The following FTCDNL1 variants were observed in gnomAD, a reference collection of about 807,000 sequenced individuals.
FTCDNL1 encodes the protein formiminotransferase N-terminal subdomain-containing protein.
A neutral mutation model predicts 5.9 loss-of-function variants in FTCDNL1; 11 were observed. That is an observed-to-expected ratio of 1.87 (90% CI 1.18 to 3.10). The LOEUF is 3.10. Among genes scored for constraint, FTCDNL1 ranks in the 30% most tolerant of loss-of-function variants. The pLI, the probability that FTCDNL1 is intolerant of heterozygous loss-of-function variation, is 0.00. For missense variants in FTCDNL1, 115 were observed against 65.5 expected, an observed-to-expected ratio of 1.76 and a Z score of -2.61; for synonymous variants, 58 against 24.8, an observed-to-expected ratio of 2.34 and a Z score of -3.99.
In FTCDNL1 at chr2:199,846,123, C is replaced by T. The variant is rs1402050768; in HGVS notation, c.163G>A (p.Asp55Asn). 1.4e-6 allele frequency: 1 copy of T among 699,994 alleles called. No homozygotes were observed. The highest frequency in any genetic ancestry group is 2.7e-5 in the East Asian group (1 of 37,182). The allele number at this position is 699,994 out of a possible 1,614,324, so 43.4% of individuals were successfully genotyped here. ...ATTGTAATGACTGATCTCTTGTAGT[C>T]TTGATCGGAAAATATATTGAGCACT... is the stretch of plus-strand genomic sequence containing the variant. ...VSVLNIFSDQ[D>N]YKRSVITIAT... is the part of the protein sequence containing the mutation. The change falls in exon 3 of 5, where the codon GAC (aspartate) becomes AAC (asparagine). Residue 55 changes from aspartate to asparagine, a missense_variant. Coordinates refer to ENST00000420128, the MANE Select transcript of FTCDNL1 (RefSeq NM_001363886.2).
At chr2:199,732,090 T>C in the FTCDNL1 span, among the ~76,000 whole-genome samples, 1 of 152,256 alleles carries the variant, frequency 6.6e-6, no homozygotes, top group African/African-American at 2.4e-5. Flanking sequence ...CTCCTGCTTC[T>C]GTCTCTGTAG....
the FTCDNL1 span, among the ~76,000 whole-genome samples, chr2:199,719,061 G>A: frequency 6.6e-6 from 1 of 151,912 alleles, no homozygotes; most frequent in East Asian, 1.9e-4. Context: ...AGTCCCATTT[G>A]TCTATTTTTG....
chr2:199,717,968 T>TA, the FTCDNL1 span, among the ~76,000 whole-genome samples: 18,131 of 109,874 alleles, frequency 0.17, 2,300 homozygotes, highest in East Asian at 0.35. Context: ...ATTCACTGCT[T>TA]AAAAAAAACC....
downstream of FTCDNL1, among the ~76,000 whole-genome samples, chr2:199,805,063 C>T (rs1434913509): frequency 6.6e-6 from 1 of 152,090 alleles, no homozygotes; most frequent in Non-Finnish European, 1.5e-5. Flanking sequence ...ACAAGGCAAG[C>T]TCTGACAAGT....
At chr2:199,844,495 C>A in intron 3 of FTCDNL1, 1 of 663,238 alleles carries the variant, frequency 1.5e-6, no homozygotes. Context: ...TATCGATAGC[C>A]TGGAAGGCCT....
rs1700933713 is a variant in FTCDNL1 at position 199,809,858 on chromosome 2, ATATTTTG to A, written c.*2840_*2846del. On this transcript the variant is annotated 3_prime_UTR_variant, in exon 5 of 5. Transcript: ENST00000420128. ...ACAATCATGCTTTGAAAGAGAGATT[ATATTTTG>A]TAACCCTCTCATTTTTTAGTCACTT... Among the ~76,000 whole-genome samples, 1 of 151,322 alleles carries A rather than the reference ATATTTTG, an allele frequency of 6.6e-6. No individual in the cohort carries two copies. Among genetic ancestry groups the A allele is most frequent in the Admixed American group, 6.6e-5 (1 of 15,180 alleles).
At chr2:199,828,901 G>A (rs1702193254) in intron 3 of FTCDNL1, among the ~76,000 whole-genome samples, 1 of 152,190 alleles carries the variant, frequency 6.6e-6, no homozygotes, top group African/African-American at 2.4e-5. Flanking sequence ...CGAGAAGAGA[G>A]TTCAACACCA....
chr2:199,778,622 T>C (rs1439130976), intron 3 of FTCDNL1, among the ~76,000 whole-genome samples: 1 of 152,212 alleles, frequency 6.6e-6, no homozygotes, highest in Non-Finnish European at 1.5e-5. Flanking sequence ...GCAAAGCAAG[T>C]TTAGAATGTA....
the FTCDNL1 span, among the ~76,000 whole-genome samples, chr2:199,742,846 A>G: frequency 1.1e-4 from 17 of 152,366 alleles, no homozygotes; most frequent in Non-Finnish European, 2.2e-4. Flanking sequence ...CAATTCACAA[A>G]GGAGGAGGAA....
chr2:199,776,976 G>A (rs1308109007), intron 3 of FTCDNL1, among the ~76,000 whole-genome samples: 56 of 150,348 alleles, frequency 3.7e-4, no homozygotes, highest in Middle Eastern at 3.4e-3. Flanking sequence ...GTGTGTGTGT[G>A]TGTGTGTGTG....
intron 3 of FTCDNL1, among the ~76,000 whole-genome samples, chr2:199,803,811 T>C (rs987580954): frequency 2.0e-5 from 3 of 152,112 alleles, no homozygotes; most frequent in Non-Finnish European, 2.9e-5. Context: ...CCTACAGGTA[T>C]GGGATATGGT....
At chr2:199,754,529 T>C in the FTCDNL1 span, among the ~76,000 whole-genome samples, 5 of 152,176 alleles carry the variant, frequency 3.3e-5, no homozygotes, top group African/African-American at 1.2e-4. Context: ...CACTGATGCC[T>C]GGACTAGCAC....
intron 3 of FTCDNL1, among the ~76,000 whole-genome samples, chr2:199,821,567 G>A (rs1231750757): frequency 2.0e-5 from 3 of 151,528 alleles, no homozygotes; most frequent in Non-Finnish European, 4.4e-5. Context: ...TGAGTTCAAA[G>A]GATTCTCCTG....
At chr2:199,707,405 T>G in the FTCDNL1 span, among the ~76,000 whole-genome samples, 1 of 152,034 alleles carries the variant, frequency 6.6e-6, no homozygotes, top group Non-Finnish European at 1.5e-5. Flanking sequence ...ATCTTTACAA[T>G]TTGTGTCTTT....
chr2:199,696,420 C>T, the FTCDNL1 span, among the ~76,000 whole-genome samples: 1 of 152,182 alleles, frequency 6.6e-6, no homozygotes, highest in African/African-American at 2.4e-5. Flanking sequence ...TGCCGGCAGA[C>T]TGGGGACACC....
At chr2:199,689,810 T>TAAAAA in the FTCDNL1 span, among the ~76,000 whole-genome samples, 1 of 116,988 alleles carries the variant, frequency 8.5e-6, no homozygotes, top group Non-Finnish European at 1.7e-5. Flanking sequence ...AAACTCCGTC[T>TAAAAA]AAAAAAAAAA....
chr2:199,777,666 C>T (rs1699160634), intron 3 of FTCDNL1, among the ~76,000 whole-genome samples: 1 of 152,120 alleles, frequency 6.6e-6, no homozygotes, highest in African/African-American at 2.4e-5. Flanking sequence ...TTAACCAGCA[C>T]ATTCACATAA....
chr2:199,812,655 G>A lies in FTCDNL1; in HGVS notation c.*50C>T, dbSNP rs555681961. 393 of 687,646 alleles carry A rather than the reference G, an allele frequency of 5.7e-4. 5 individuals carry two copies. Among genetic ancestry groups the A allele is most frequent in the South Asian group, 1.9e-3 (125 of 64,382 alleles). The allele number at this position is 687,646 out of a possible 1,614,324, so 42.6% of individuals were successfully genotyped here. A position where few individuals can be genotyped will look rare whatever the true frequency, so the allele number is the denominator to read the frequency against. ...CACTCAGCTGCTCTGGTGGCAGCAC[G>A]GATCCCCTCACTGCAAGGCTGAAAT... On this transcript the variant is annotated 3_prime_UTR_variant, in exon 5 of 5. Coordinates refer to ENST00000420128, the MANE Select transcript of FTCDNL1 (RefSeq NM_001363886.2).
the FTCDNL1 span, among the ~76,000 whole-genome samples, chr2:199,745,438 G>T: frequency 6.6e-6 from 1 of 152,098 alleles, no homozygotes; most frequent in African/African-American, 2.4e-5. Context: ...TTTTAAATCT[G>T]CTTTCCCATT....
Sources: allele counts gnomAD v4.1 joint callset (sites outside exome capture counted in the v4.1 genomes callset), GRCh38; gene constraint gnomAD v4.1.1; transcripts MANE v1.5; gene names NCBI Gene and HGNC (gene_info 2026-07-23, HGNC 2026-07-21).